PKIA: variants seen among roughly 807,000 people sequenced by gnomAD.
PKIA encodes PKI-alpha.
Under a neutral mutation model 7.6 loss-of-function variants are expected in PKIA, and 4 were observed. The ratio of observed to expected loss-of-function variants is 0.52; its 90% CI spans 0.26 to 1.20. PKIA has a LOEUF of 1.20. Ranked by LOEUF, PKIA falls within the 50% of genes most tolerant of loss-of-function variation. The pLI, the probability that PKIA is intolerant of heterozygous loss-of-function variation, is 0.13. For missense variants in PKIA, 73 were observed against 86.2 expected (o/e 0.85, Z 0.61); for synonymous variants, 21 against 30.7 (o/e 0.68, Z 1.04).
At chr8:78,589,231 T>C (rs1391819544) in intron 2 of PKIA, among the ~76,000 whole-genome samples, 2 of 151,964 alleles carry the variant, frequency 1.3e-5, no homozygotes, top group Non-Finnish European at 2.9e-5. Context: ...AGATTTGCTA[T>C]GGAGAGTAAG....
rs180785748 is a variant in PKIA, at chr8:78,520,476, T to C, written c.-157+4008T>C. On this transcript the variant is annotated intron_variant, in intron 1 of 3. Coordinates refer to ENST00000396418, the MANE Select transcript of PKIA (RefSeq NM_006823.4). ...CATCTAGGGACTTTCATCTTTGGTATCTCATTTGATGTTTATACTATATGT... is the reference window on the plus strand; with the variant it reads ...CATCTAGGGACTTTCATCTTTGGTACCTCATTTGATGTTTATACTATATGT... 1.2e-4 allele frequency among the ~76,000 whole-genome samples: 19 copies of C among 152,304 alleles called. No homozygotes were observed. In the East Asian group the frequency reaches 3.7e-3, roughly 29 times the overall value.
At chr8:78,546,217 C>T (rs527368141) in intron 1 of PKIA, among the ~76,000 whole-genome samples, 5 of 152,288 alleles carry the variant, frequency 3.3e-5, no homozygotes, top group African/African-American at 1.2e-4. Context: ...TCTGCTTTGC[C>T]TTGCAAAATT....
intron 1 of PKIA, among the ~76,000 whole-genome samples, chr8:78,548,688 C>CT (rs1230566569): frequency 6.6e-6 from 1 of 151,980 alleles, no homozygotes; most frequent in African/African-American, 2.4e-5. Context: ...ATAGGCCTGT[C>CT]AATAAAGGTC....
chr8:78,537,914 CTGCCTAGAAGGTTCACT>C (rs1365837036), intron 1 of PKIA, among the ~76,000 whole-genome samples: 1 of 152,030 alleles, frequency 6.6e-6, no homozygotes, highest in Non-Finnish European at 1.5e-5. Context: ...GCTGTTGCCG[CTGCCTAGAAGGTTCACT>C]TGTGAACCTT....
At chr8:78,551,226 C>A (rs1358767729) in intron 1 of PKIA, among the ~76,000 whole-genome samples, 1 of 151,970 alleles carries the variant, frequency 6.6e-6, no homozygotes, top group Non-Finnish European at 1.5e-5. Context: ...GGAATATGAT[C>A]AGAGACATGT....
chr8:78,532,930 A>G (rs1426177714), intron 1 of PKIA, among the ~76,000 whole-genome samples: 1 of 151,872 alleles, frequency 6.6e-6, no homozygotes, highest in East Asian at 1.9e-4. Context: ...AAAAATAAAA[A>G]TAAAAAAAAT....
chr8:78,569,052 G>A (rs1807487698), intron 1 of PKIA, among the ~76,000 whole-genome samples: 1 of 152,052 alleles, frequency 6.6e-6, no homozygotes, highest in Admixed American at 6.5e-5. Flanking sequence ...TGGACTCCCT[G>A]CACACAGCCA....
intron 1 of PKIA, among the ~76,000 whole-genome samples, chr8:78,528,180 A>C (rs1806294862): frequency 6.6e-6 from 1 of 152,124 alleles, no homozygotes; most frequent in African/African-American, 2.4e-5. Flanking sequence ...AATTTGTTCA[A>C]GTACAGTAAG....
chr8:78,544,076 A>G (rs1238472628), intron 1 of PKIA, among the ~76,000 whole-genome samples: 1 of 152,168 alleles, frequency 6.6e-6, no homozygotes, highest in Non-Finnish European at 1.5e-5. Context: ...ATTTACTATA[A>G]TATACTTATA....
At chr8:78,524,118 AAACATT>A (rs1285375674) in intron 1 of PKIA, among the ~76,000 whole-genome samples, 99 of 132,386 alleles carry the variant, frequency 7.5e-4, no homozygotes, top group African/African-American at 2.8e-3. Flanking sequence ...ATATATGTAT[AAACATT>A]TATATTTATA....
chr8:78,518,249 G>A (rs984718341), intron 1 of PKIA, among the ~76,000 whole-genome samples: 1 of 152,154 alleles, frequency 6.6e-6, no homozygotes, highest in Non-Finnish European at 1.5e-5. Context: ...ACTGCCCCTT[G>A]GGGTCTTAAT....
intron 1 of PKIA, among the ~76,000 whole-genome samples, chr8:78,531,054 T>C (rs73241244): frequency 0.044 from 6,628 of 152,130 alleles, 194 homozygotes; most frequent in African/African-American, 0.076. Context: ...TATTTTTAAT[T>C]TTAGTGAAGA....
rs749446425 is a variant in PKIA at position 78,598,466 on chromosome 8, G to C, written c.82G>C (p.Val28Leu). Residue 28 changes from valine to leucine, a missense_variant, in exon 3 of 4, where the codon GTT becomes CTT. By Grantham distance (32) the Val-to-Leu change is conservative. Coordinates refer to ENST00000396418, the MANE Select transcript of PKIA (RefSeq NM_006823.4). ...AAGAAATGCAATACATGATATCCTG[G>C]TTTCCTCTGCAAGTGGCAACAGCAA... The part of the protein sequence containing the change: ...GRRNAIHDIL[V>L]SSASGNSNEL... The C allele has an allele frequency of 2.5e-6, 4 of 1,611,598 alleles. No individual in the cohort carries two copies. In the African/African-American group the frequency reaches 5.3e-5, roughly 22 times the overall value.
intron 1 of PKIA, among the ~76,000 whole-genome samples, chr8:78,541,989 G>A (rs1806705155): frequency 6.6e-6 from 1 of 151,888 alleles, no homozygotes; most frequent in African/African-American, 2.4e-5. Flanking sequence ...GGACACCATA[G>A]TAAGACCCTA....
intron 1 of PKIA, among the ~76,000 whole-genome samples, chr8:78,558,046 G>A (rs1244220599): frequency 6.6e-6 from 1 of 152,190 alleles, no homozygotes; most frequent in Non-Finnish European, 1.5e-5. Flanking sequence ...GTTTACAGTT[G>A]TTTTAGTAAG....
intron 1 of PKIA, among the ~76,000 whole-genome samples, chr8:78,538,996 A>C (rs1370453495): frequency 1.3e-5 from 2 of 152,030 alleles, no homozygotes; most frequent in Admixed American, 1.3e-4. Flanking sequence ...GAGAAATTTG[A>C]GGCAAAAATG....
At chr8:78,590,565 C>A (rs75284577) in intron 2 of PKIA, among the ~76,000 whole-genome samples, 2,269 of 151,702 alleles carry the variant, frequency 0.015, 61 homozygotes, top group African/African-American at 0.053. Context: ...ATATGAGAAA[C>A]CAGATGTCTT....
intron 1 of PKIA, among the ~76,000 whole-genome samples, chr8:78,529,973 C>A (rs1253768863): frequency 6.6e-6 from 1 of 151,966 alleles, no homozygotes; most frequent in African/African-American, 2.4e-5. Context: ...TCTTTACCAT[C>A]TAAACATTGC....
intron 1 of PKIA, among the ~76,000 whole-genome samples, chr8:78,551,486 T>C (rs1369937450): frequency 6.6e-6 from 1 of 152,094 alleles, no homozygotes; most frequent in East Asian, 1.9e-4. Flanking sequence ...CATTAGACTT[T>C]GTTGCTGTAA....
Sources: allele counts gnomAD v4.1 joint callset (sites outside exome capture counted in the v4.1 genomes callset), GRCh38; gene constraint gnomAD v4.1.1; transcripts MANE v1.5; gene names NCBI Gene and HGNC (gene_info 2026-07-23, HGNC 2026-07-21).